SYT14: variants seen among roughly 807,000 people sequenced by gnomAD.
The protein encoded by SYT14 is synaptotagmin-14.
Under a neutral mutation model 74.2 loss-of-function variants are expected in SYT14, and 32 were observed. The ratio of observed to expected loss-of-function variants is 0.43; its 90% confidence interval spans 0.33 to 0.58. The LOEUF is 0.58. Among genes scored for constraint, SYT14 ranks in the 20% least tolerant of loss-of-function variants. SYT14 has a pLI of 0.05. For missense variants in SYT14, 791 were observed against 981.8 expected (o/e 0.81, Z 2.60); for synonymous variants, 298 against 337.7 (o/e 0.88, Z 1.29).
intron 5 of SYT14, among the ~76,000 whole-genome samples, chr1:210,069,368 A>G (rs1009472899): frequency 2.6e-5 from 4 of 151,946 alleles, no homozygotes; most frequent in African/African-American, 9.7e-5. Context: ...AGTAGGAGAG[A>G]TATGTAATAT....
intron 2 of SYT14, among the ~76,000 whole-genome samples, chr1:209,997,586 T>C: frequency 6.6e-6 from 1 of 152,104 alleles, no homozygotes; most frequent in African/African-American, 2.4e-5. Flanking sequence ...AAACTACCAA[T>C]GTAATTCTTC....
intron 5 of SYT14, among the ~76,000 whole-genome samples, chr1:210,070,910 A>ATTTTTTTTTTTTTTTTTTTTTTTTTTTTT (rs200981834): frequency 1.7e-5 from 2 of 116,298 alleles, no homozygotes; most frequent in African/African-American, 6.7e-5. Flanking sequence ...GTTGGGTATA[A>ATTTTTTTTTTTTTTTTTTTTTTTTTTTTT]TTTTTTTTTT....
chr1:210,025,460 G>A (rs945003732), intron 5 of SYT14, among the ~76,000 whole-genome samples: 1 of 152,154 alleles, frequency 6.6e-6, no homozygotes, highest in African/African-American at 2.4e-5. Context: ...GGAATCACAA[G>A]GTAGAAGGAA....
At chr1:210,079,650 G>A (rs1463238680) in intron 5 of SYT14, among the ~76,000 whole-genome samples, 6 of 152,100 alleles carry the variant, frequency 3.9e-5, no homozygotes. Context: ...TTGCTTTCCT[G>A]CCAGAAATAA....
chr1:210,001,262 T>A (rs1435152504), intron 2 of SYT14, among the ~76,000 whole-genome samples: 5 of 151,408 alleles, frequency 3.3e-5, no homozygotes, highest in Admixed American at 6.6e-5. Flanking sequence ...AATTTTTTTT[T>A]AATTATAGGT....
chr1:210,061,806 T>G (rs1418319210), intron 5 of SYT14, among the ~76,000 whole-genome samples: 2 of 151,956 alleles, frequency 1.3e-5, no homozygotes, highest in Non-Finnish European at 2.9e-5. Context: ...TGTAATTTTA[T>G]GTACATGTTG....
At chr1:210,009,882 C>T (rs2102908210) in intron 2 of SYT14, among the ~76,000 whole-genome samples, 1 of 152,232 alleles carries the variant, frequency 6.6e-6, no homozygotes, top group Middle Eastern at 3.4e-3. Flanking sequence ...TTACCATTTA[C>T]CCAGTCACTC....
intron 8 of SYT14, among the ~76,000 whole-genome samples, 189 bp downstream of exon 7, chr1:210,156,099 C>T (rs1434945756): frequency 6.6e-6 from 1 of 152,088 alleles, no homozygotes; most frequent in Admixed American, 6.5e-5. Context: ...TCAAAGTATT[C>T]ATAGTAAGGT....
chr1:210,100,721 TTTG>T (rs1458518631), intron 7 of SYT14, among the ~76,000 whole-genome samples: 1 of 152,176 alleles, frequency 6.6e-6, no homozygotes, highest in Admixed American at 6.5e-5. Context: ...TTACATGTTT[TTTG>T]TTGTTGTTGT....
At chr1:209,962,271 T>A (rs1024861640) in intron 2 of SYT14, among the ~76,000 whole-genome samples, 6 of 148,356 alleles carry the variant, frequency 4.0e-5, no homozygotes, top group African/African-American at 1.5e-4. Context: ...ATCTTTTTTT[T>A]ATATATATAT....
intron 5 of SYT14, among the ~76,000 whole-genome samples, chr1:210,061,397 A>C (rs2081205430): frequency 6.6e-6 from 1 of 152,012 alleles, no homozygotes; most frequent in Non-Finnish European, 1.5e-5. Context: ...TCAGAGGCTA[A>C]TCAACTGTGT....
intron 5 of SYT14, among the ~76,000 whole-genome samples, chr1:210,022,940 G>C (rs774564274): frequency 9.2e-5 from 14 of 152,108 alleles, no homozygotes; most frequent in Non-Finnish European, 1.8e-4. Context: ...CCTATGGAAA[G>C]AGCAGTGAGG....
intron 2 of SYT14, among the ~76,000 whole-genome samples, chr1:209,974,827 A>T (rs1226713142): frequency 1.3e-5 from 2 of 152,178 alleles, no homozygotes; most frequent in East Asian, 3.9e-4. Flanking sequence ...CACAATATTG[A>T]TTATTCCTAC....
chr1:209,992,827 C>G (rs1345262749), intron 2 of SYT14, among the ~76,000 whole-genome samples: 6 of 151,920 alleles, frequency 3.9e-5, no homozygotes, highest in Non-Finnish European at 8.8e-5. Context: ...GGCAGATCTT[C>G]AAAGAGAAAA....
exon 10 of SYT14, chr1:210,166,725 G>A (rs1001639328): frequency 6.6e-6 from 1 of 152,132 alleles, no homozygotes; most frequent in African/African-American, 2.4e-5. Context: ...GCCTGGAAGG[G>A]AGCCCAATAA....
intron 7 of SYT14, among the ~76,000 whole-genome samples, chr1:210,143,760 T>C (rs976164845): frequency 1.3e-5 from 2 of 152,162 alleles, no homozygotes; most frequent in African/African-American, 2.4e-5. Context: ...TTTTCAAGCT[T>C]TTCAAGCATT....
At chr1:210,124,557 C>G (rs2082529603) in intron 7 of SYT14, among the ~76,000 whole-genome samples, 1 of 152,142 alleles carries the variant, frequency 6.6e-6, no homozygotes, top group Non-Finnish European at 1.5e-5. Flanking sequence ...GAAAGACCCC[C>G]TGATGACATA....
At chr1:210,120,327 C>T (rs2082433358) in intron 7 of SYT14, among the ~76,000 whole-genome samples, 1 of 151,172 alleles carries the variant, frequency 6.6e-6, no homozygotes, top group East Asian at 1.9e-4. Flanking sequence ...GATTATTACA[C>T]GGTCTTATTA....
intron 2 of SYT14, among the ~76,000 whole-genome samples, chr1:209,964,080 A>G (rs1161826378): frequency 6.6e-6 from 1 of 152,044 alleles, no homozygotes; most frequent in Non-Finnish European, 1.5e-5. Context: ...TGTAATCCTC[A>G]TTATCCCCAC....
Sources: allele counts gnomAD v4.1 joint callset (sites outside exome capture counted in the v4.1 genomes callset), GRCh38; gene constraint gnomAD v4.1.1; transcripts MANE v1.5; gene names NCBI Gene and HGNC (gene_info 2026-07-23, HGNC 2026-07-21).